Variants in IL17REL observed in about 807,000 individuals in gnomAD.
IL17REL encodes the protein interleukin 17 receptor E like, also known as interleukin-17 receptor E-like protein.
IL17REL carries 36 observed loss-of-function variants against 49.0 expected under a neutral mutation model. The observed-to-expected ratio is 0.73, with a 90% confidence interval of 0.56 to 0.97. The LOEUF (loss-of-function observed/expected upper bound fraction) is 0.97, where lower values mean the gene tolerates loss of function less well. Ranked by LOEUF, IL17REL falls within the 50% of genes least tolerant of loss-of-function variation. The pLI, the probability that IL17REL is intolerant of heterozygous loss-of-function variation, is 0.00. For synonymous variants in IL17REL, 206 were observed against 192.4 expected (o/e 1.07, Z -0.58); for missense variants, 470 against 453.9 (o/e 1.04, Z -0.32).
At chr22:49,999,207 C>T in intron 7 of IL17REL, 84 bp downstream of exon 9, 2 of 1,504,722 alleles carry the variant, frequency 1.3e-6, no homozygotes, top group Non-Finnish European at 9.2e-7. Flanking sequence ...CTTATCTCAT[C>T]CCCCCACGTC....
chr22:49,997,696 C>T lies in IL17REL; in HGVS notation c.866G>A (p.Arg289His), dbSNP rs755575606. Residue 289 changes from arginine (R) to histidine (H), a missense_variant, in exon 10 of 13, where the codon CGT becomes CAT. Physicochemically the swap from Arg to His is conservative, Grantham distance 29 (BLOSUM62 0). Transcript: ENST00000341280. ...CATGGAGAACTTACTTGGGAAGCGA[C>T]GCTGTTCGAAAGGGCACCGCACCCA... The T allele has an allele frequency of 1.4e-5, 23 of 1,613,762 alleles. No individual in the cohort carries two copies. Among genetic ancestry groups the T allele is most frequent in the South Asian group, 8.8e-5 (8 of 91,090 alleles).
chr22:50,000,524 G>A lies in IL17REL; in HGVS notation c.288C>T (p.Ile96=), dbSNP rs753137338. The A allele has an allele frequency of 2.5e-6, 4 of 1,613,504 alleles. No homozygotes were observed. The Admixed American group carries it at 6.7e-5, about 27-fold the overall frequency. Residue 96 remains isoleucine, a synonymous_variant, in exon 4 of 13, where the codon ATC becomes ATT. Transcript: ENST00000341280. ...CCAGCTGGACCCCGCAGAAATGAGG[G>A]ATGGTCCTCAGGGTGACATAGAGGT...
chr22:50,003,703 CAG>C (rs1213340711), intron 1 of IL17REL, among the ~76,000 whole-genome samples: 12 of 152,140 alleles, frequency 7.9e-5, no homozygotes, highest in East Asian at 3.9e-4. Flanking sequence ...TATCAGCAAA[CAG>C]GGAATGAAAT....
chr22:50,005,678 G>C (rs1278732042), intron 1 of IL17REL, among the ~76,000 whole-genome samples: 2 of 151,984 alleles, frequency 1.3e-5, no homozygotes, highest in South Asian at 2.1e-4. Flanking sequence ...GCTGCTGGGC[G>C]CCTGTAATTC....
At chr22:50,008,945 T>A (rs1345085995), upstream of IL17REL, 1 of 152,220 alleles carries the variant, frequency 6.6e-6, no homozygotes, top group African/African-American at 2.4e-5. Context: ...GCTTAGGTGC[T>A]GGGATTCATG....
chr22:49,997,860 T>A, intron 9 of IL17REL, 118 bp from the exon 12 acceptor site: 3 of 1,372,460 alleles, frequency 2.2e-6, no homozygotes, highest in South Asian at 1.2e-5. Flanking sequence ...CCAGTTCTCC[T>A]CCTTAGGCCC....
upstream of IL17REL, among the ~76,000 whole-genome samples, chr22:50,011,390 G>A (rs1459792014): frequency 6.6e-6 from 1 of 151,888 alleles, no homozygotes. Flanking sequence ...TGGACAGCGC[G>A]GTCACACCTC....
chr22:49,998,191 C>A, exon 8 of IL17REL: 1 of 1,611,198 alleles, frequency 6.2e-7, no homozygotes, highest in Non-Finnish European at 8.5e-7. Context: ...CGGCCCCCGG[C>A]CCCGGGCGCC....
At chr22:50,008,206 C>CT (rs1168389387) in intron 1 of IL17REL, among the ~76,000 whole-genome samples, 1 of 152,200 alleles carries the variant, frequency 6.6e-6, no homozygotes, top group Non-Finnish European at 1.5e-5. Flanking sequence ...AACTTTCTTC[C>CT]TTGTGGCATC....
At chr22:50,005,131 A>G (rs534818922) in intron 1 of IL17REL, among the ~76,000 whole-genome samples, 8 of 152,236 alleles carry the variant, frequency 5.3e-5, no homozygotes, top group African/African-American at 1.9e-4. Flanking sequence ...TCTTGTCCCA[A>G]CTAAGCTGAC....
At chr22:49,997,941 C>G (rs1174414447) in intron 9 of IL17REL, 84 bp downstream of exon 11, 1 of 1,541,836 alleles carries the variant, frequency 6.5e-7, no homozygotes, top group African/African-American at 1.4e-5. Flanking sequence ...CAGGGCTGGG[C>G]AAGGGCCCCT....
chr22:50,009,185 C>A (rs2061125364), upstream of IL17REL: 1 of 145,460 alleles, frequency 6.9e-6, no homozygotes, highest in African/African-American at 2.6e-5. Context: ...AGGTCAATTT[C>A]ATGGGCCTGG....
intron 5 of IL17REL, 26 bp from the exon 8 acceptor site, chr22:49,999,528 G>A: frequency 1.9e-6 from 3 of 1,570,438 alleles, no homozygotes; most frequent in South Asian, 1.1e-5. Context: ...GGCGGCTGAG[G>A]GGCCGCGCGG....
At chr22:50,012,109 TCCACCCCAACCCAGCCAC>T (rs1313047319), upstream of IL17REL, among the ~76,000 whole-genome samples, 1 of 151,906 alleles carries the variant, frequency 6.6e-6, no homozygotes, top group African/African-American at 2.4e-5. Flanking sequence ...GTGAGAGCCC[TCCACCCCAACCCAGCCAC>T]CTCCACTGCC....
chr22:49,999,925 A>T, exon 5 of IL17REL: 1 of 1,536,482 alleles, frequency 6.5e-7, no homozygotes, highest in Non-Finnish European at 8.8e-7. Context: ...TTGCACCAGA[A>T]TCGCCTTGCG....
At chr22:49,999,694 C>A (rs1181575493) in intron 5 of IL17REL, 134 bp downstream of exon 7, 2 of 319,884 alleles carry the variant, frequency 6.3e-6, no homozygotes, top group African/African-American at 6.8e-5. Context: ...TGGGTGGGGC[C>A]TAGGCCTGGC....
chr22:50,003,556 A>C (rs5771192), intron 1 of IL17REL, among the ~76,000 whole-genome samples: 78,003 of 144,794 alleles, frequency 0.54, 21,520 homozygotes, highest in South Asian at 0.76. Context: ...CTGGGCATGG[A>C]TCACACCTGT....
intron 1 of IL17REL, among the ~76,000 whole-genome samples, chr22:50,007,668 C>G (rs1249592616): frequency 6.6e-6 from 1 of 152,058 alleles, no homozygotes; most frequent in East Asian, 1.9e-4. Context: ...TGTGAGCCAC[C>G]GCATCAGCCA....
intron 5 of IL17REL, 93 bp from the exon 8 acceptor site, chr22:49,999,595 GA>G (rs2061062160): frequency 2.2e-6 from 2 of 927,242 alleles, no homozygotes; most frequent in African/African-American, 3.4e-5. Flanking sequence ...CGGGAGCGGG[GA>G]CGGGAGGTGG....
Sources: allele counts gnomAD v4.1 joint callset (sites outside exome capture counted in the v4.1 genomes callset), GRCh38; gene constraint gnomAD v4.1.1; transcripts MANE v1.5; gene names NCBI Gene and HGNC (gene_info 2026-07-23, HGNC 2026-07-21).